SETX: variants seen among roughly 807,000 people sequenced by gnomAD.
SETX encodes the protein helicase senataxin.
Under a neutral mutation model 227.2 loss-of-function variants are expected in SETX, and 90 were observed. That is an observed-to-expected ratio of 0.40 (90% confidence interval 0.33 to 0.47). The LOEUF (loss-of-function observed/expected upper bound fraction) is 0.47. Among genes scored for constraint, SETX ranks in the 20% least tolerant of loss-of-function variants. The pLI is 0.91. For synonymous variants in SETX, 1,210 were observed against 1,113.2 expected, an observed-to-expected ratio of 1.09 and a Z score of -1.73; for missense variants, 3,052 against 3,181.5, an observed-to-expected ratio of 0.96 and a Z score of 0.98.
At position 132,300,738 on chromosome 9, in the gene SETX, C is replaced by A. The variant is rs907277217; in HGVS notation, c.5440G>T (p.Ala1814Ser). Residue 1814 changes from alanine to serine, a missense_variant, in exon 12 of 26, where the codon GCT becomes TCT. Ala to Ser is a moderately conservative substitution (Grantham distance 99). Around this residue, in one of 10 missense-constraint regions of SETX, gnomAD observed 239 missense variants for 272.1 expected, o/e 0.88. Coordinates refer to ENST00000224140, the MANE Select transcript of SETX (RefSeq NM_015046.7). ...TTCTCTTCATTTATTCTCTCAGGAGCTAAAAACACCAAATCGTTTTCCTTT... is the reference window on the plus strand; with the variant it reads ...TTCTCTTCATTTATTCTCTCAGGAGATAAAAACACCAAATCGTTTTCCTTT... ...YPKENDLVFL[A>S]PERINEEKKD... 3 of 1,613,492 alleles carry A rather than the reference C, an allele frequency of 1.9e-6. No homozygotes were observed. The highest frequency in any genetic ancestry group is 2.7e-5 in the African/African-American group (2 of 74,890).
intron 23 of SETX, among the ~76,000 whole-genome samples, chr9:132,272,732 T>C (rs994402770): frequency 6.6e-6 from 1 of 152,248 alleles, no homozygotes; most frequent in African/African-American, 2.4e-5. Flanking sequence ...TTCACATAAA[T>C]GGAATTACAA....
At chr9:132,338,524 CA>C (rs1467486041) in intron 5 of SETX, among the ~76,000 whole-genome samples, 1 of 152,074 alleles carries the variant, frequency 6.6e-6, no homozygotes, top group Non-Finnish European at 1.5e-5. Flanking sequence ...GACCTTTTAC[CA>C]GCAATAACTA....
chr9:132,281,646 A>C, intron 19 of SETX, 72 bp from the exon 20 acceptor site: 2 of 1,071,306 alleles, frequency 1.9e-6, no homozygotes, highest in Non-Finnish European at 1.5e-6. Context: ...TATCTGATTA[A>C]AGTTCTAACC....
intron 4 of SETX, among the ~76,000 whole-genome samples, chr9:132,343,961 C>CA (rs1264775567): frequency 4.0e-5 from 6 of 151,346 alleles, no homozygotes; most frequent in African/African-American, 7.3e-5. Flanking sequence ...AACTCATGGC[C>CA]AAAAAAAAGA....
chr9:132,286,377 AAG>A, intron 18 of SETX, 44 bp downstream of exon 18: 1 of 1,421,962 alleles, frequency 7.0e-7, no homozygotes, highest in Admixed American at 1.9e-5. Flanking sequence ...AAATTTTAAA[AAG>A]AAAAAAAAAA....
At chr9:132,305,353 CAA>C (rs144880539) in intron 11 of SETX, among the ~76,000 whole-genome samples, 4 of 70,100 alleles carry the variant, frequency 5.7e-5, no homozygotes, top group Admixed American at 3.2e-4. Context: ...GACTCCGTCT[CAA>C]AAAAAAAAAA....
intron 11 of SETX, among the ~76,000 whole-genome samples, chr9:132,308,404 C>A (rs1403644760): frequency 1.7e-5 from 2 of 114,736 alleles, no homozygotes; most frequent in Non-Finnish European, 3.2e-5. Context: ...CCATGATTAA[C>A]TCTATAAAAC....
chr9:132,280,947 AGGGCACAGACATGTTCTT>A (rs1405095217), intron 20 of SETX, among the ~76,000 whole-genome samples: 1 of 152,204 alleles, frequency 6.6e-6, no homozygotes, highest in African/African-American at 2.4e-5. Flanking sequence ...GATGATGTGA[AGGGCACAGACATGTTCTT>A]GTATTAACAC....
chr9:132,314,404 T>C (rs1845847985), intron 10 of SETX, among the ~76,000 whole-genome samples: 1 of 152,030 alleles, frequency 6.6e-6, no homozygotes, highest in Admixed American at 6.6e-5. Context: ...TTTGTATTTT[T>C]AGTAGAGACA....
At chr9:132,310,459 C>T (rs565694502) in intron 11 of SETX, among the ~76,000 whole-genome samples, 2 of 152,310 alleles carry the variant, frequency 1.3e-5, no homozygotes, top group African/African-American at 4.8e-5. Context: ...ATCATAGTAG[C>T]ATTATTCATA....
chr9:132,271,992 C>A (rs1842928499), intron 23 of SETX, among the ~76,000 whole-genome samples, 184 bp from the exon 24 acceptor site: 1 of 151,804 alleles, frequency 6.6e-6, no homozygotes, highest in Admixed American at 6.6e-5. Context: ...ACGCCATTCT[C>A]CTGCCTCAGC....
At chr9:132,355,270 G>A (rs1407482338), upstream of SETX, among the ~76,000 whole-genome samples, 2 of 152,136 alleles carry the variant, frequency 1.3e-5, no homozygotes, top group Non-Finnish European at 2.9e-5. Context: ...CTTCCTGCGG[G>A]TGGGGCGGCT....
rs1396965456 is a variant in SETX at position 132,264,634 on chromosome 9, T to TG, written c.7638dup (p.Ile2547HisfsTer2). The TG allele has an allele frequency of 6.2e-7, 1 of 1,614,104 alleles. No individual in the cohort carries two copies. Among genetic ancestry groups the TG allele is most frequent in the African/African-American group, 1.3e-5 (1 of 74,920 alleles). ...AGGAATATTCCTCCTTTGACCTCAA[T>TG]GCCCATCCTCTTCAGCAGTCGTGGG... is the stretch of plus-strand genomic sequence containing the variant. On this transcript the variant is annotated frameshift_variant, in exon 26 of 26. Transcript: ENST00000224140. LOFTEE classifies it low-confidence loss of function (END_TRUNC).
rs764685509 is a variant in SETX, at chr9:132,342,726, T to A, written c.462A>T (p.Pro154=). ...NCSFQVFDKH[P]GIYLFLVHPN... ...GATGGACTAAAAACAAATAGATCCC[T>A]GGATGTTTATCAAACACCTGAAAGG... The change falls in exon 5 of 26, where the codon CCA becomes CCT. Residue 154 remains proline (P), a synonymous_variant. Coordinates refer to ENST00000224140, the MANE Select transcript of SETX (RefSeq NM_015046.7). 1 of 1,613,984 alleles carries A rather than the reference T, an allele frequency of 6.2e-7. No homozygotes were observed. Among genetic ancestry groups the A allele is most frequent in the East Asian group, 2.2e-5 (1 of 44,878 alleles).
At chr9:132,344,570 T>C (rs765036878) in intron 4 of SETX, among the ~76,000 whole-genome samples, 5 of 152,166 alleles carry the variant, frequency 3.3e-5, no homozygotes, top group Non-Finnish European at 7.4e-5. Context: ...GAAAATGAAC[T>C]AGATTTTAGT....
At chr9:132,307,678 A>ATT (rs535908148) in intron 11 of SETX, among the ~76,000 whole-genome samples, 6,711 of 135,372 alleles carry the variant, frequency 0.05, 605 homozygotes, top group African/African-American at 0.18. Flanking sequence ...CTTACTAGTG[A>ATT]TTTTTTTTTT....
At chr9:132,283,915 AG>A (rs1843681945) in intron 18 of SETX, among the ~76,000 whole-genome samples, 1 of 152,200 alleles carries the variant, frequency 6.6e-6, no homozygotes, top group Non-Finnish European at 1.5e-5. Flanking sequence ...TTCCACAGTA[AG>A]GAACAGTCTG....
At chr9:132,322,800 A>G (rs1028448154) in intron 10 of SETX, among the ~76,000 whole-genome samples, 12 of 151,516 alleles carry the variant, frequency 7.9e-5, no homozygotes, top group African/African-American at 2.9e-4. Flanking sequence ...GGGAAACACG[A>G]ACCATGCAAA....
At chr9:132,345,075 G>T (rs1848210132) in intron 4 of SETX, among the ~76,000 whole-genome samples, 1 of 152,104 alleles carries the variant, frequency 6.6e-6, no homozygotes, top group African/African-American at 2.4e-5. Context: ...CCCAAAAGGG[G>T]TATTCAGCAA....
Sources: allele counts gnomAD v4.1 joint callset (sites outside exome capture counted in the v4.1 genomes callset), GRCh38; gene constraint gnomAD v4.1.1; regional missense constraint gnomAD v4.1.1; transcripts MANE v1.5; gene names NCBI Gene and HGNC (gene_info 2026-07-23, HGNC 2026-07-21).